DLC1: variants seen among roughly 807,000 people sequenced by gnomAD.
The protein encoded by DLC1 is rho GTPase-activating protein 7.
In DLC1, 54 loss-of-function variants were observed where a neutral mutation model predicts 140.3. That is an observed-to-expected ratio of 0.38 (90% CI 0.31 to 0.48). The LOEUF (loss-of-function observed/expected upper bound fraction) is 0.48. Ranked by LOEUF, DLC1 falls within the 20% of genes least tolerant of loss-of-function variation. DLC1 has a pLI of 0.96. For synonymous variants in DLC1, 986 were observed against 728.1 expected (o/e 1.35, Z -5.70); for missense variants, 2,536 against 1,907.0 (o/e 1.33, Z -6.14).
chr8:13,152,969 T>TTG (rs1279374149), intron 5 of DLC1, among the ~76,000 whole-genome samples: 1 of 152,140 alleles, frequency 6.6e-6, no homozygotes, highest in Admixed American at 6.5e-5. Flanking sequence ...ATAACAGACT[T>TTG]TAAGGTATAT....
At chr8:13,233,229 A>G (rs1342639585) in intron 5 of DLC1, among the ~76,000 whole-genome samples, 2 of 126,386 alleles carry the variant, frequency 1.6e-5, no homozygotes, top group Non-Finnish European at 3.2e-5. Flanking sequence ...TGGGAGGTGG[A>G]GGTTGCAGTG....
intron 4 of DLC1, among the ~76,000 whole-genome samples, chr8:13,377,134 G>T (rs944829975): frequency 1.3e-5 from 2 of 152,118 alleles, no homozygotes; most frequent in African/African-American, 4.8e-5. Flanking sequence ...CTTGGCTAAA[G>T]GTATCCACTC....
chr8:13,488,532 CAA>C (rs1801077801), intron 2 of DLC1, among the ~76,000 whole-genome samples: 1 of 152,120 alleles, frequency 6.6e-6, no homozygotes, highest in Non-Finnish European at 1.5e-5. Flanking sequence ...TAAAATGCCA[CAA>C]AGAGATCCCT....
chr8:13,372,652 T>G (rs1835780502), intron 4 of DLC1, among the ~76,000 whole-genome samples: 1 of 152,144 alleles, frequency 6.6e-6, no homozygotes, highest in Non-Finnish European at 1.5e-5. Context: ...GCTAAACTAT[T>G]TCCTCATCTT....
intron 3 of DLC1, among the ~76,000 whole-genome samples, chr8:13,396,786 T>C (rs1837061714): frequency 6.6e-6 from 1 of 152,178 alleles, no homozygotes; most frequent in South Asian, 2.1e-4. Context: ...TCTCTTCTGT[T>C]CTCTGTTCAA....
At chr8:13,549,850 T>C (rs191898700) in intron 1 of DLC1, among the ~76,000 whole-genome samples, 205 of 152,294 alleles carry the variant, frequency 1.3e-3, no homozygotes, top group South Asian at 2.3e-3. Context: ...TCTAGCAACA[T>C]GTTACCCTTT....
At chr8:13,578,937 G>C (rs1036638653) in intron 1 of DLC1, among the ~76,000 whole-genome samples, 1 of 151,942 alleles carries the variant, frequency 6.6e-6, no homozygotes, top group Non-Finnish European at 1.5e-5. Context: ...CCCAGAGGTT[G>C]AGGGGGTGGG....
chr8:13,575,051 A>T (rs147079189), intron 1 of DLC1, among the ~76,000 whole-genome samples: 1 of 152,234 alleles, frequency 6.6e-6, no homozygotes, highest in Non-Finnish European at 1.5e-5. Flanking sequence ...AAATGAAAAC[A>T]TAGTTGAATT....
At chr8:13,377,718 A>G (rs996925874) in intron 4 of DLC1, among the ~76,000 whole-genome samples, 3 of 151,948 alleles carry the variant, frequency 2.0e-5, no homozygotes, top group Non-Finnish European at 4.4e-5. Flanking sequence ...TGTGGATTTA[A>G]CCTCTGAAAT....
chr8:13,492,632 T>C (rs1237148707), intron 2 of DLC1, among the ~76,000 whole-genome samples: 1 of 152,078 alleles, frequency 6.6e-6, no homozygotes, highest in Non-Finnish European at 1.5e-5. Flanking sequence ...AGTGACTAGA[T>C]GCTTTGCAAT....
chr8:13,602,165 T>C (rs1247029164), intron 1 of DLC1, among the ~76,000 whole-genome samples: 1 of 151,786 alleles, frequency 6.6e-6, no homozygotes, highest in African/African-American at 2.4e-5. Flanking sequence ...TACCATGGTA[T>C]TGCAATCAGC....
At chr8:13,579,592 A>T (rs1293895733) in intron 1 of DLC1, among the ~76,000 whole-genome samples, 1 of 132,648 alleles carries the variant, frequency 7.5e-6, no homozygotes, top group African/African-American at 2.8e-5. Context: ...ATTTTATATT[A>T]TATATTTAAT....
chr8:13,189,250 T>C (rs1315960783), intron 5 of DLC1, among the ~76,000 whole-genome samples: 2 of 152,200 alleles, frequency 1.3e-5, no homozygotes, highest in African/African-American at 4.8e-5. Context: ...TTTGTTTGTT[T>C]ATGAACCATT....
At chr8:13,535,239 C>T (rs77135094) in intron 1 of DLC1, among the ~76,000 whole-genome samples, 6,284 of 152,058 alleles carry the variant, frequency 0.041, 394 homozygotes, top group African/African-American at 0.14. Context: ...GTGTACATCT[C>T]TGTGGGTGCG....
intron 5 of DLC1, among the ~76,000 whole-genome samples, chr8:13,217,779 G>T (rs571430836): frequency 2.0e-5 from 3 of 151,902 alleles, no homozygotes; most frequent in East Asian, 1.9e-4. Context: ...CAGAGATTGC[G>T]GTGAGCCGAG....
At chr8:13,119,226 TAAA>T (rs757073542) in intron 5 of DLC1, among the ~76,000 whole-genome samples, 26 of 119,676 alleles carry the variant, frequency 2.2e-4, no homozygotes, top group Admixed American at 3.4e-4. Context: ...AGACCCTGTC[TAAA>T]AAAAAAAAAA....
At chr8:13,458,062 G>T (rs1407258853) in intron 2 of DLC1, among the ~76,000 whole-genome samples, 1 of 152,060 alleles carries the variant, frequency 6.6e-6, no homozygotes, top group African/African-American at 2.4e-5. Context: ...AAAATTAAAG[G>T]CTCTCAGTGC....
chr8:13,263,210 G>A (rs1438314658), intron 5 of DLC1, among the ~76,000 whole-genome samples: 3 of 152,152 alleles, frequency 2.0e-5, no homozygotes, highest in Non-Finnish European at 4.4e-5. Context: ...AGTTTTTTGG[G>A]AGGGAGGAAA....
At chr8:13,567,716 C>T in intron 1 of DLC1, 1 of 1,552,034 alleles carries the variant, frequency 6.4e-7, no homozygotes, top group African/African-American at 1.4e-5. Context: ...GACTTTCTCA[C>T]CCGTATTGGA....
Sources: gnomAD v4.1 joint callset for allele counts (sites outside exome capture counted in the v4.1 genomes callset) on GRCh38, gnomAD v4.1.1 for gene constraint, MANE v1.5 for transcripts, NCBI Gene and HGNC (gene_info 2026-07-23, HGNC 2026-07-21) for gene names.